Variants in PCDH15 observed in about 807,000 individuals in gnomAD.
The protein encoded by PCDH15 is protocadherin related 15.
PCDH15 carries 129 observed loss-of-function variants against 178.5 expected under a neutral mutation model. The observed-to-expected ratio is 0.72, with a 90% confidence interval of 0.63 to 0.84. The LOEUF is 0.84. Ranked by LOEUF, PCDH15 falls within the 40% of genes least tolerant of loss-of-function variation. PCDH15 has a pLI of 0.00. For synonymous variants in PCDH15, 800 were observed against 732.0 expected (o/e 1.09, Z -1.50); for missense variants, 2,230 against 2,099.9 (o/e 1.06, Z -1.21).
chr10:55,035,783 G>A (rs959231735), intron 2 of PCDH15, among the ~76,000 whole-genome samples: 2 of 152,122 alleles, frequency 1.3e-5, no homozygotes, highest in Admixed American at 1.3e-4. Flanking sequence ...ATATGAATAT[G>A]TGTGATAATG....
chr10:55,547,888 T>A, intron 2 of PCDH15, among the ~76,000 whole-genome samples: 1 of 95,008 alleles, frequency 1.1e-5, no homozygotes, highest in African/African-American at 5.0e-5. Flanking sequence ...AGGGAGGTGG[T>A]GTGTGTGTCT....
At chr10:54,175,776 AT>A (rs2047372277) in intron 13 of PCDH15, among the ~76,000 whole-genome samples, 1 of 152,172 alleles carries the variant, frequency 6.6e-6, no homozygotes, top group Non-Finnish European at 1.5e-5. Context: ...ATCATCTGTC[AT>A]TATATTAACT....
chr10:53,978,299 T>G (rs991512387), intron 21 of PCDH15, among the ~76,000 whole-genome samples: 4 of 152,068 alleles, frequency 2.6e-5, no homozygotes, highest in African/African-American at 9.7e-5. Context: ...TTCCTAAACT[T>G]CAATTACTGT....
chr10:54,204,623 C>T (rs4082040), intron 10 of PCDH15, among the ~76,000 whole-genome samples: 136,661 of 152,002 alleles, frequency 0.9, 61,597 homozygotes, highest in East Asian at 0.98. Context: ...AAGCTATGAA[C>T]TTGCTCCCCA....
intron 2 of PCDH15, among the ~76,000 whole-genome samples, chr10:55,531,865 G>T (rs2132064342): frequency 6.6e-6 from 1 of 152,088 alleles, no homozygotes; most frequent in Admixed American, 6.6e-5. Context: ...TTTATATAGA[G>T]ACCTGTGTAA....
intron 1 of PCDH15, among the ~76,000 whole-genome samples, chr10:54,793,299 T>G (rs545042264): frequency 6.6e-6 from 1 of 151,926 alleles, no homozygotes. Context: ...ATTTTCAATA[T>G]CTCTGGTGGC....
intron 3 of PCDH15, among the ~76,000 whole-genome samples, chr10:54,421,847 CTATATATATATATATACACACACTA>C (rs1955466734): frequency 6.4e-5 from 6 of 93,496 alleles, no homozygotes; most frequent in Admixed American, 2.1e-4. Flanking sequence ...TACACACACA[CTATATATATATATATACACACACTA>C]TATATATATA....
intron 3 of PCDH15, among the ~76,000 whole-genome samples, chr10:54,883,384 T>C (rs1006174590): frequency 6.6e-6 from 1 of 152,124 alleles, no homozygotes; most frequent in East Asian, 1.9e-4. Flanking sequence ...TTTTACTGGA[T>C]CCTTTGAATG....
chr10:54,617,879 C>T (rs542493367), intron 2 of PCDH15, among the ~76,000 whole-genome samples: 10 of 148,172 alleles, frequency 6.7e-5, no homozygotes, highest in Admixed American at 2.7e-4. Context: ...GAGCTGAGAT[C>T]GCCACTGCAG....
intron 13 of PCDH15, among the ~76,000 whole-genome samples, chr10:54,154,648 G>C (rs2044903377): frequency 6.6e-6 from 1 of 152,052 alleles, no homozygotes; most frequent in African/African-American, 2.4e-5. Context: ...TGTGCTGAAG[G>C]GGTTATATTA....
intron 2 of PCDH15, among the ~76,000 whole-genome samples, chr10:54,591,292 C>T (rs1590326310): frequency 1.3e-5 from 2 of 152,146 alleles, no homozygotes; most frequent in Admixed American, 6.5e-5. Context: ...GACCCAATCT[C>T]ATCACATTAG....
At chr10:54,039,943 T>C (rs1281629130) in intron 18 of PCDH15, among the ~76,000 whole-genome samples, 1 of 151,918 alleles carries the variant, frequency 6.6e-6, no homozygotes, top group Non-Finnish European at 1.5e-5. Context: ...TTTCCTACAA[T>C]CTCTTCACAT....
intron 1 of PCDH15, among the ~76,000 whole-genome samples, chr10:55,254,193 T>C (rs960684760): frequency 3.9e-5 from 6 of 152,186 alleles, no homozygotes; most frequent in African/African-American, 1.2e-4. Context: ...TCTGGTTATT[T>C]ATATGTATGT....
intron 18 of PCDH15, among the ~76,000 whole-genome samples, chr10:54,065,255 G>A (rs1025681370): frequency 2.0e-5 from 3 of 152,182 alleles, no homozygotes; most frequent in Non-Finnish European, 4.4e-5. Context: ...TATCAGGACA[G>A]ATAACTCTGA....
Position 54,648,895 on chromosome 10 carries a change from C to T in PCDH15, c.91+15277G>A, listed in dbSNP as rs117094276. ...TGTGGACAAATCTTTGATACAACCA[C>T]ATAAAATATTGATGACTGTGTTAAC... On this transcript the variant is annotated intron_variant, in intron 2 of 37. Coordinates refer to ENST00000644397, the MANE Select transcript of PCDH15 (RefSeq NM_001384140.1). 7.0e-4 allele frequency among the ~76,000 whole-genome samples: 107 copies of T among 152,178 alleles called. No individual in the cohort carries two copies. The East Asian group carries it at 0.019, about 27-fold the overall frequency.
At chr10:54,187,237 C>T (rs976345025) in intron 11 of PCDH15, among the ~76,000 whole-genome samples, 1 of 151,882 alleles carries the variant, frequency 6.6e-6, no homozygotes, top group Non-Finnish European at 1.5e-5. Context: ...TTCCTTTATA[C>T]CTTAATTCTC....
intron 21 of PCDH15, among the ~76,000 whole-genome samples, chr10:53,988,772 C>T (rs1227238647): frequency 6.6e-6 from 1 of 151,842 alleles, no homozygotes; most frequent in African/African-American, 2.4e-5. Flanking sequence ...TCTTGGAAAT[C>T]TGTCTTGTTT....
At chr10:54,761,946 G>T (rs1947931084) in intron 1 of PCDH15, among the ~76,000 whole-genome samples, 1 of 152,040 alleles carries the variant, frequency 6.6e-6, no homozygotes, top group Non-Finnish European at 1.5e-5. Flanking sequence ...ATGACAACAA[G>T]TGATAACAAC....
intron 31 of PCDH15, 80 bp downstream of exon 31, chr10:53,828,485 G>C: frequency 8.2e-7 from 1 of 1,219,770 alleles, no homozygotes; most frequent in Non-Finnish European, 1.2e-6. Context: ...GTTCTGAGCA[G>C]GCTGACTTGA....
Sources: allele counts gnomAD v4.1 joint callset (sites outside exome capture counted in the v4.1 genomes callset), GRCh38; gene constraint gnomAD v4.1.1; transcripts MANE v1.5; gene names NCBI Gene and HGNC (gene_info 2026-07-23, HGNC 2026-07-21).